CDKN2C: variants seen among roughly 807,000 people sequenced by gnomAD.
The protein encoded by CDKN2C is cyclin-dependent kinase 4 inhibitor C.
A neutral mutation model predicts 11.0 loss-of-function variants in CDKN2C; 5 were observed. That is an observed-to-expected ratio of 0.45 (90% confidence interval 0.24 to 0.95). The LOEUF is 0.95. Among genes scored for constraint, CDKN2C ranks in the 40% least tolerant of loss-of-function variants. The pLI is 0.21. For missense variants in CDKN2C, 161 were observed against 211.9 expected, an observed-to-expected ratio of 0.76 and a Z score of 1.49; for synonymous variants, 79 against 88.3, an observed-to-expected ratio of 0.89 and a Z score of 0.59.
upstream of CDKN2C, chr1:50,969,983 CACACACTCCTCACAG>C: frequency 2.9e-6 from 1 of 346,432 alleles, no homozygotes; most frequent in Non-Finnish European, 5.4e-6. The surrounding 1 kb of genome is among the most constrained non-coding windows in gnomAD (Gnocchi z 6.6). Flanking sequence ...TGAGTCTCCA[CACACACTCCTCACAG>C]AGATCTGTAG....
Position 50,965,057 on chromosome 1 carries a change from T to TATAGATAGATAGATAG in CDKN2C, c.-1975-2851_-1975-2836dup, listed in dbSNP as rs71578051. On this transcript the variant is annotated intron_variant, in intron 1 of 3. Coordinates refer to the CDKN2C transcript ENST00000262662. ...ACAAAGCGAGATTCAGTCTCAAAAA[T>TATAGATAGATAGATAG]ATAGATAGATAGATAGATAGATAGA... Among the ~76,000 whole-genome samples, 532 of 147,322 alleles carry TATAGATAGATAGATAG rather than the reference T, an allele frequency of 3.6e-3. 1 individual carries two copies. Among genetic ancestry groups the TATAGATAGATAGATAG allele is most frequent in the Middle Eastern group, 6.9e-3 (2 of 290 alleles).
At chr1:50,971,183 C>T (rs896975809) in intron 1 of CDKN2C, among the ~76,000 whole-genome samples, 1 of 152,226 alleles carries the variant, frequency 6.6e-6, no homozygotes, top group African/African-American at 2.4e-5. Context: ...CAACAATTGA[C>T]ACATGTCCAG....
intron 1 of CDKN2C, among the ~76,000 whole-genome samples, chr1:50,962,007 T>C (rs1192237533): frequency 2.0e-5 from 3 of 152,278 alleles, no homozygotes; most frequent in Non-Finnish European, 2.9e-5. Context: ...CTAATCTGTG[T>C]TTAGACCAGA....
upstream of CDKN2C, among the ~76,000 whole-genome samples, chr1:50,966,184 G>A (rs1424607733): frequency 1.3e-5 from 2 of 151,134 alleles, no homozygotes; most frequent in Non-Finnish European, 2.9e-5. Flanking sequence ...GATTACAGGC[G>A]CCAGCCACCA....
At position 50,970,612 on chromosome 1, in the gene CDKN2C, C is replaced by G. The variant is rs1311323480; in HGVS notation, c.129+115C>G. 3.2e-6 allele frequency: 4 copies of G among 1,247,582 alleles called. No individual in the cohort carries two copies. In the Admixed American group the frequency reaches 6.9e-5, roughly 22 times the overall value. The allele number at this position is 1,247,582 out of a possible 1,614,324, so 77.3% of individuals were successfully genotyped here. On this transcript the variant is annotated intron_variant, in intron 1 of 1. Transcript: ENST00000371761. ...ACATAAAATTTCACTGTTTTTAAAC[C>G]TAGTTGGTTGCCATATTTTATATCT...
upstream of CDKN2C, chr1:50,968,622 G>C (rs1053244331): frequency 1.3e-5 from 2 of 152,168 alleles, no homozygotes; most frequent in African/African-American, 4.8e-5. Flanking sequence ...GCGAGACTGC[G>C]AGCGCGAGCG....
chr1:50,973,807 C>T (rs2147958165), intron 1 of CDKN2C, 86 bp from the exon 2 acceptor site: 1 of 1,498,024 alleles, frequency 6.7e-7, no homozygotes, highest in Non-Finnish European at 9.2e-7. Flanking sequence ...TAAATAGTTA[C>T]ATAAATGGAA....
intron 1 of CDKN2C, among the ~76,000 whole-genome samples, chr1:50,961,203 G>GT (rs921022597): frequency 4.4e-4 from 67 of 151,832 alleles, no homozygotes; most frequent in Non-Finnish European, 4.7e-4. Context: ...GCCCGGCTAA[G>GT]TTTTTTTTGT....
In CDKN2C at chr1:50,973,952, C is replaced by G. The variant is rs752677434; in HGVS notation, c.189C>G (p.Pro63=). 6.2e-7 allele frequency: 1 copy of G among 1,614,146 alleles called. No homozygotes were observed. The highest frequency in any genetic ancestry group is 1.1e-5 in the South Asian group (1 of 91,086). The part of the protein sequence containing the change: ...ARRLLLRGAN[P]DLKDRTGFAV... ...GACTGCTACTTAGAGGTGCTAATCC[C>G]GATTTGAAAGACCGAACTGGTTTCG... is the stretch of plus-strand genomic sequence containing the variant. The change falls in exon 2 of 2, where the codon CCC becomes CCG. Residue 63 remains proline, a synonymous_variant. Transcript: ENST00000371761.
chr1:50,971,261 C>T (rs1019300830), intron 1 of CDKN2C, among the ~76,000 whole-genome samples: 2 of 152,100 alleles, frequency 1.3e-5, no homozygotes, highest in Non-Finnish European at 2.9e-5. Context: ...AGGTGAAAGG[C>T]TTAGAAACAG....
At chr1:50,963,472 G>A (rs1321766642) in intron 1 of CDKN2C, among the ~76,000 whole-genome samples, 3 of 152,120 alleles carry the variant, frequency 2.0e-5, no homozygotes, top group Admixed American at 2.0e-4. Context: ...AAGCTGCTCT[G>A]GCAAGTTAAG....
At chr1:50,960,975 G>C (rs998657041) in intron 1 of CDKN2C, among the ~76,000 whole-genome samples, 1 of 152,054 alleles carries the variant, frequency 6.6e-6, no homozygotes, top group Non-Finnish European at 1.5e-5. Flanking sequence ...TTACAAATGG[G>C]ATAAAACTTG....
chr1:50,961,072 G>T (rs1242867663), intron 1 of CDKN2C, among the ~76,000 whole-genome samples: 1 of 151,998 alleles, frequency 6.6e-6, no homozygotes, highest in Non-Finnish European at 1.5e-5. Context: ...GTCTCGCACT[G>T]TGGCCCGGGC....
In CDKN2C at chr1:50,974,275, G is replaced by T; in HGVS notation, c.*5G>T. 1 of 1,542,938 alleles carries T rather than the reference G, an allele frequency of 6.5e-7. No individual in the cohort carries two copies. Among genetic ancestry groups the T allele is most frequent in the South Asian group, 1.3e-5 (1 of 79,044 alleles). On this transcript the variant is annotated 3_prime_UTR_variant, in exon 2 of 2. Coordinates refer to ENST00000371761, the MANE Select transcript of CDKN2C (RefSeq NM_078626.3). Reference sequence around the variant, plus strand: ...GGAGCCACAAATCTTCAATAAACGTGGGGAGGGCTCCCCCACGTTGCCTCT... The same window carrying T: ...GGAGCCACAAATCTTCAATAAACGTTGGGAGGGCTCCCCCACGTTGCCTCT...
At chr1:50,973,770 G>C in intron 1 of CDKN2C, 123 bp from the exon 2 acceptor site, 1 of 1,196,036 alleles carries the variant, frequency 8.4e-7, no homozygotes, top group African/African-American at 1.5e-5. Flanking sequence ...CCATCCTATG[G>C]GTCTTCCGCA....
At chr1:50,961,056 GACGGAGTCTCGC>G (rs2124773681) in intron 1 of CDKN2C, among the ~76,000 whole-genome samples, 1 of 139,846 alleles carries the variant, frequency 7.2e-6, no homozygotes, top group South Asian at 2.2e-4. Flanking sequence ...ATTATTTTGA[GACGGAGTCTCGC>G]ACTGTGGCCC....
chr1:50,971,439 C>T (rs1448630314), intron 1 of CDKN2C, among the ~76,000 whole-genome samples: 1 of 152,048 alleles, frequency 6.6e-6, no homozygotes, highest in African/African-American at 2.4e-5. Context: ...AATTTAAGTG[C>T]CAAGAGATAT....
chr1:50,968,590 C>G (rs1421571116), upstream of CDKN2C: 1 of 152,178 alleles, frequency 6.6e-6, no homozygotes, highest in African/African-American at 2.4e-5. Context: ...AATGAGGGCG[C>G]GGGACCGGGC....
At chr1:50,969,979 T>A (rs76280772), upstream of CDKN2C, 864 of 328,060 alleles carry the variant, frequency 2.6e-3, 22 homozygotes, top group East Asian at 0.041. This position sits in a 1 kb window ranked among gnomAD's most constrained non-coding sequence, Gnocchi z 6.6. Flanking sequence ...CCCTTGAGTC[T>A]CCACACACAC....
Sources: gnomAD v4.1 joint callset for allele counts (sites outside exome capture counted in the v4.1 genomes callset) on GRCh38, gnomAD v4.1.1 for gene constraint, Gnocchi (gnomAD v3.1) non-coding constraint, MANE v1.5 for transcripts, NCBI Gene and HGNC (gene_info 2026-07-23, HGNC 2026-07-21) for gene names.